Variants in NBPF11 observed in about 807,000 individuals in gnomAD.
The protein encoded by NBPF11 is NBPF family member NBPF11.
A neutral mutation model predicts 93.9 loss-of-function variants in NBPF11; 72 were observed. The ratio of observed to expected loss-of-function variants is 0.77; its 90% confidence interval spans 0.63 to 0.93. NBPF11 has a LOEUF of 0.93. Among genes scored for constraint, NBPF11 ranks in the 40% least tolerant of loss-of-function variants. The pLI, the probability that NBPF11 is intolerant of heterozygous loss-of-function variation, is 0.00. For synonymous variants in NBPF11, 224 were observed against 304.9 expected (o/e 0.73, Z 2.76); for missense variants, 705 against 802.2 (o/e 0.88, Z 1.46).
Position 148,122,751 on chromosome 1 carries a change from C to G in NBPF11, c.544G>C (p.Val182Leu), listed in dbSNP as rs1158716452. ...TACCTGGGGGCAGATGATTCCAGTA[C>G]TTTCTCATCCTCCTCAACTTGAACA... ...EDVQVEEDEK[V>L]LESSAPREVQ... Residue 182 changes from valine (V) to leucine (L), a missense_variant, in exon 8 of 24, where the codon GTA (valine) becomes CTA (leucine). Coordinates refer to ENST00000682118, the MANE Select transcript of NBPF11 (RefSeq NM_001385469.3). The G allele has an allele frequency of 2.5e-6, 4 of 1,609,484 alleles. No homozygotes were observed. Among genetic ancestry groups the G allele is most frequent in the Non-Finnish European group, 2.5e-6 (3 of 1,177,124 alleles).
chr1:148,145,755 T>C (rs1417010615), intron 1 of NBPF11, among the ~76,000 whole-genome samples: 2 of 150,862 alleles, frequency 1.3e-5, no homozygotes, highest in Non-Finnish European at 2.9e-5. Flanking sequence ...AGTGGTCTCC[T>C]GTAGGTCCCA....
intron 1 of NBPF11, chr1:148,149,122 C>A (rs1489362181): frequency 3.8e-6 from 6 of 1,570,954 alleles, no homozygotes; most frequent in Non-Finnish European, 5.1e-6. Flanking sequence ...GGTGCGCGCG[C>A]GTTGGAGGCC....
chr1:148,150,039 A>G (rs1647887873), intron 1 of NBPF11, among the ~76,000 whole-genome samples: 1 of 151,840 alleles, frequency 6.6e-6, no homozygotes, highest in African/African-American at 2.4e-5. Flanking sequence ...CTAAAGTTTT[A>G]TCATTCATAT....
chr1:148,140,354 G>T (rs1474253050), intron 2 of NBPF11, among the ~76,000 whole-genome samples: 1 of 151,616 alleles, frequency 6.6e-6, no homozygotes, highest in East Asian at 1.9e-4. Context: ...CGGGGATCCT[G>T]GGTTCAATGA....
At position 148,103,791 on chromosome 1, in the gene NBPF11, C is replaced by G; in HGVS notation, c.*105G>C. ...TGCTGTTCCTCAAATGAGTAAAACA[C>G]ACTTCTGTAGTGCTGGAATGAGTCA... is the stretch of plus-strand genomic sequence containing the variant. On this transcript the variant is annotated 3_prime_UTR_variant, in exon 24 of 24. Coordinates refer to ENST00000682118, the MANE Select transcript of NBPF11 (RefSeq NM_001385469.3). 4.3e-6 allele frequency: 7 copies of G among 1,611,924 alleles called. No individual in the cohort carries two copies. Among genetic ancestry groups the G allele is most frequent in the South Asian group, 3.3e-5 (3 of 90,996 alleles).
chr1:148,131,015 A>G (rs1181576497), intron 4 of NBPF11, among the ~76,000 whole-genome samples: 1 of 151,762 alleles, frequency 6.6e-6, no homozygotes, highest in Non-Finnish European at 1.5e-5. Context: ...TTCACTTATT[A>G]TTGGACATTT....
At chr1:148,138,784 ATC>A (rs1671744386) in intron 2 of NBPF11, among the ~76,000 whole-genome samples, 1 of 151,810 alleles carries the variant, frequency 6.6e-6, no homozygotes, top group African/African-American at 2.4e-5. Flanking sequence ...TAACAATCTG[ATC>A]TCTCTTTCTT....
intron 12 of NBPF11, among the ~76,000 whole-genome samples, chr1:148,116,899 C>T (rs1353433719): frequency 6.6e-6 from 1 of 152,198 alleles, no homozygotes; most frequent in Non-Finnish European, 1.5e-5. Flanking sequence ...AAACCTAATT[C>T]TTTCTCTTAG....
At chr1:148,143,388 G>A (rs1277211678) in intron 2 of NBPF11, 27 bp downstream of exon 2, 109 of 779,792 alleles carry the variant, frequency 1.4e-4, no homozygotes, top group Non-Finnish European at 1.6e-4. Flanking sequence ...TGACCCCATC[G>A]AGCTGGCAAT....
In NBPF11 at chr1:148,122,185, G is replaced by A. The variant is rs1271396919; in HGVS notation, c.648C>T (p.Gly216=). ...ECAITCSNSH[G]PCDSIQPHKN... ...TGTGAGGCTGGATGGAGTCACAAGG[G>A]CCGTGGCTATTTGAACAAGTGATGG... The change falls in exon 9 of 24, where the codon GGC becomes GGT. Residue 216 remains glycine (G), a synonymous_variant. Coordinates refer to ENST00000682118, the MANE Select transcript of NBPF11 (RefSeq NM_001385469.3). The A allele has an allele frequency of 6.2e-7, 1 of 1,612,742 alleles. No homozygotes were observed. The highest frequency in any genetic ancestry group is 1.7e-5 in the Admixed American group (1 of 60,008).
In NBPF11 at chr1:148,104,593, C is replaced by A; in HGVS notation, c.2525G>T (p.Arg842Ile). Reference sequence around the variant, plus strand: ...CTTCTTTTCTTCCCCTTCTTCTTTTCTTCTTTGATCTTCTTCCCCTTCTTT... The same window carrying A: ...CTTCTTTTCTTCCCCTTCTTCTTTTATTCTTTGATCTTCTTCCCCTTCTTT... ...GRKEGEEDQR[R>I]KEEGEEKKGK... The change falls in exon 23 of 24, where the codon AGA (arginine) becomes ATA (isoleucine). Residue 842 changes from arginine (R) to isoleucine (I), a missense_variant. Arg to Ile is a moderately conservative substitution (Grantham distance 97). Coordinates refer to ENST00000682118, the MANE Select transcript of NBPF11 (RefSeq NM_001385469.3). 1 of 587,220 alleles carries A rather than the reference C, an allele frequency of 1.7e-6. No homozygotes were observed. The highest frequency in any genetic ancestry group is 3.0e-6 in the Non-Finnish European group (1 of 337,922). The allele number at this position is 587,220 out of a possible 1,614,324, so 36.4% of individuals were successfully genotyped here. A position where few individuals can be genotyped will look rare whatever the true frequency, so the allele number is the denominator to read the frequency against.
intron 17 of NBPF11, 124 bp from the exon 18 acceptor site, chr1:148,108,778 G>A (rs1186166432): frequency 8.7e-5 from 58 of 665,060 alleles, no homozygotes; most frequent in Non-Finnish European, 1.4e-4. Context: ...CATTAATGAG[G>A]TAACAAATTA....
chr1:148,121,148 G>A (rs1253704315), intron 9 of NBPF11, among the ~76,000 whole-genome samples: 4 of 151,638 alleles, frequency 2.6e-5, no homozygotes, highest in East Asian at 1.9e-4. Flanking sequence ...GGGTTCAAGC[G>A]ATTCTCATCA....
At chr1:148,117,104 G>T (rs1296028574) in intron 12 of NBPF11, among the ~76,000 whole-genome samples, 1 of 151,902 alleles carries the variant, frequency 6.6e-6, no homozygotes, top group South Asian at 2.1e-4. Flanking sequence ...TTGGAAAGCA[G>T]TTGTAAGTGT....
rs1413667279 is a variant in NBPF11, at chr1:148,131,272, C to T, written c.-35-4234G>A. 1.9e-4 allele frequency among the ~76,000 whole-genome samples: 29 copies of T among 150,308 alleles called. 1 individual carries two copies. The highest frequency in any genetic ancestry group is 8.5e-4 in the South Asian group (4 of 4,714). On this transcript the variant is annotated intron_variant, in intron 4 of 23. Coordinates refer to ENST00000682118, the MANE Select transcript of NBPF11 (RefSeq NM_001385469.3). Reference sequence around the variant, plus strand: ...TGGGCCTTAAAGCATGACGAAATAACGAAGGCATTCTTAACAGGAGCCATT... The same window carrying T: ...TGGGCCTTAAAGCATGACGAAATAATGAAGGCATTCTTAACAGGAGCCATT...
rs1235483684 is a variant in NBPF11, at chr1:148,126,936, T to G, written c.68A>C (p.Lys23Thr). 7 of 998,094 alleles carry G rather than the reference T, an allele frequency of 7.0e-6. No individual in the cohort carries two copies. The highest frequency in any genetic ancestry group is 5.5e-5 in the African/African-American group (3 of 54,258). 61.8% of individuals were successfully genotyped at this position (998,094 alleles called of 1,614,324 possible). A position where few individuals can be genotyped will look rare whatever the true frequency, so the allele number is the denominator to read the frequency against. The change falls in exon 5 of 24, where the codon AAA (lysine) becomes ACA (threonine). Residue 23 changes from lysine (K) to threonine (T), a missense_variant. Around this residue, in one of 12 missense-constraint regions of NBPF11, gnomAD observed 128 missense variants for 112.8 expected, o/e 1.14. Coordinates refer to ENST00000682118, the MANE Select transcript of NBPF11 (RefSeq NM_001385469.3). ...AEMNILEINE[K>T]LRPQLAENKQ... ...GTTCTCTGCCAACTGGGGGCGCAAT[T>G]TCTCGTTGATTTCTAGAATGTTCAT...
intron 4 of NBPF11, among the ~76,000 whole-genome samples, chr1:148,133,773 C>A (rs1202384033): frequency 6.6e-6 from 1 of 151,342 alleles, no homozygotes; most frequent in Non-Finnish European, 1.5e-5. Context: ...AATCTCCCCC[C>A]AGTCAAGAAG....
At chr1:148,126,024 C>T (rs1325928918) in intron 5 of NBPF11, among the ~76,000 whole-genome samples, 2,260 of 151,888 alleles carry the variant, frequency 0.015, 82 homozygotes, top group African/African-American at 0.051. Flanking sequence ...TGTTTTTTGA[C>T]GAGTCTTGCC....
chr1:148,130,136 T>TA (rs1327710764), intron 4 of NBPF11, among the ~76,000 whole-genome samples: 85 of 150,362 alleles, frequency 5.7e-4, no homozygotes, highest in Non-Finnish European at 8.7e-4. Flanking sequence ...AAGATTCTAC[T>TA]AAAAAAAATC....
Sources: allele counts gnomAD v4.1 joint callset (sites outside exome capture counted in the v4.1 genomes callset), GRCh38; gene constraint gnomAD v4.1.1; regional missense constraint gnomAD v4.1.1; transcripts MANE v1.5; gene names NCBI Gene and HGNC (gene_info 2026-07-23, HGNC 2026-07-21).